OTOGL: variants seen among roughly 807,000 people sequenced by gnomAD.
OTOGL encodes the protein otogelin like.
OTOGL carries 285 observed loss-of-function variants against 318.5 expected under a neutral mutation model. That is an observed-to-expected ratio of 0.89 (90% CI 0.81 to 0.99). OTOGL has a LOEUF of 0.99. Ranked by LOEUF, OTOGL falls within the 50% of genes least tolerant of loss-of-function variation. The pLI is 0.00. For missense variants in OTOGL, 2,899 were observed against 2,845.6 expected (o/e 1.02, Z -0.43); for synonymous variants, 987 against 936.5 (o/e 1.05, Z -0.99).
chr12:80,133,865 G>A (rs114700547), intron 1 of OTOGL, among the ~76,000 whole-genome samples: 5 of 152,178 alleles, frequency 3.3e-5, no homozygotes, highest in Middle Eastern at 3.4e-3. Context: ...AAGATGGGAG[G>A]TAGAGGGTGC....
chr12:80,160,954 T>G (rs1281649046), intron 1 of OTOGL, among the ~76,000 whole-genome samples: 2 of 152,116 alleles, frequency 1.3e-5, no homozygotes, highest in East Asian at 3.9e-4. Context: ...AACTGGAGGC[T>G]ATTATTCTAA....
At chr12:80,338,993 C>A (rs1410436360) in intron 42 of OTOGL, 82 bp from the exon 43 acceptor site, 2 of 1,127,522 alleles carry the variant, frequency 1.8e-6, no homozygotes, top group Non-Finnish European at 2.5e-6. Context: ...TACATTAAAT[C>A]AGAATAAAGG....
At position 80,374,852 on chromosome 12, in the gene OTOGL, C is replaced by T. The variant is rs549889002; in HGVS notation, c.6782-2271C>T. Among the ~76,000 whole-genome samples the T allele has an allele frequency of 2.0e-5, 3 of 152,242 alleles. No homozygotes were observed. The East Asian group carries it at 5.8e-4, about 29-fold the overall frequency. On this transcript the variant is annotated intron_variant, in intron 57 of 58. Coordinates refer to ENST00000547103, the MANE Select transcript of OTOGL (RefSeq NM_001378609.3). ...AATGACCACTATGGCCTGCCACACACTGACACTCTATTAAGCACATTGCTG... is the reference window on the plus strand; with the variant it reads ...AATGACCACTATGGCCTGCCACACATTGACACTCTATTAAGCACATTGCTG...
intron 44 of OTOGL, among the ~76,000 whole-genome samples, chr12:80,351,441 G>T (rs557787741): frequency 6.6e-5 from 10 of 152,060 alleles, no homozygotes; most frequent in Non-Finnish European, 1.5e-4. Context: ...TCAGCCTCTG[G>T]AGTAGCTGGG....
chr12:80,325,085 TAGG>T (rs1419830169), intron 35 of OTOGL, among the ~76,000 whole-genome samples: 2 of 152,004 alleles, frequency 1.3e-5, no homozygotes, highest in African/African-American at 4.8e-5. Context: ...GGATCAATAG[TAGG>T]AGAGAATATT....
chr12:80,354,407 G>C (rs1592747767), intron 46 of OTOGL, among the ~76,000 whole-genome samples: 1 of 152,140 alleles, frequency 6.6e-6, no homozygotes, highest in East Asian at 1.9e-4. Context: ...TCCATTTTCA[G>C]GTATTCTCTT....
chr12:80,343,859 T>A (rs1888996964), intron 44 of OTOGL: 2 of 152,048 alleles, frequency 1.3e-5, no homozygotes. Flanking sequence ...AAACCCTGGG[T>A]AAGGGGGGCT....
chr12:80,163,114 A>G (rs1873626230), intron 1 of OTOGL, among the ~76,000 whole-genome samples: 1 of 152,042 alleles, frequency 6.6e-6, no homozygotes, highest in Non-Finnish European at 1.5e-5. Flanking sequence ...ATTCCAGGAG[A>G]GTTTTTATTT....
At chr12:80,236,452 A>G (rs1296006430) in intron 9 of OTOGL, among the ~76,000 whole-genome samples, 1 of 152,196 alleles carries the variant, frequency 6.6e-6, no homozygotes, top group Non-Finnish European at 1.5e-5. Flanking sequence ...AGGACCCTTG[A>G]TGCAGTATAA....
chr12:80,147,683 G>T (rs900866681), intron 1 of OTOGL, among the ~76,000 whole-genome samples: 3 of 152,030 alleles, frequency 2.0e-5, no homozygotes, highest in Non-Finnish European at 4.4e-5. Flanking sequence ...TTAATGTGTG[G>T]GAGTCTAAGT....
intron 42 of OTOGL, among the ~76,000 whole-genome samples, chr12:80,338,514 C>T (rs1888548773): frequency 6.6e-6 from 1 of 151,958 alleles, no homozygotes; most frequent in African/African-American, 2.4e-5. Context: ...CTTGGATTGC[C>T]TACATTAGTA....
At chr12:80,246,742 C>G (rs1880931264) in intron 11 of OTOGL, among the ~76,000 whole-genome samples, 1 of 17,154 alleles carries the variant, frequency 5.8e-5, no homozygotes, top group Non-Finnish European at 9.9e-5. Context: ...GGAATGGTAC[C>G]AGTTCCTCCT....
intron 6 of OTOGL, 28 bp from the exon 7 acceptor site, chr12:80,222,063 T>A (rs1407888085): frequency 1.3e-6 from 2 of 1,572,078 alleles, no homozygotes; most frequent in East Asian, 2.2e-5. Flanking sequence ...TTATTTTGCC[T>A]ACAAAATATT....
At chr12:80,141,846 G>C (rs1200945002) in intron 1 of OTOGL, among the ~76,000 whole-genome samples, 2 of 152,174 alleles carry the variant, frequency 1.3e-5, no homozygotes, top group East Asian at 1.9e-4. Flanking sequence ...AGTAGAAAGA[G>C]TATTTTTATA....
At chr12:80,340,585 G>C (rs961508843) in intron 43 of OTOGL, among the ~76,000 whole-genome samples, 9 of 152,074 alleles carry the variant, frequency 5.9e-5, no homozygotes, top group Admixed American at 5.2e-4. Context: ...TCTTAACTAA[G>C]CGCTGCAGAG....
intron 1 of OTOGL, among the ~76,000 whole-genome samples, chr12:80,205,376 C>G (rs775938013): frequency 6.6e-6 from 1 of 152,116 alleles, no homozygotes; most frequent in Non-Finnish European, 1.5e-5. Context: ...AAACAAATGT[C>G]GCTATAAAAC....
intron 1 of OTOGL, among the ~76,000 whole-genome samples, chr12:80,136,001 A>G (rs901059886): frequency 3.3e-5 from 5 of 152,208 alleles, no homozygotes; most frequent in Non-Finnish European, 7.3e-5. Context: ...GAGCTCGCCA[A>G]CCTTCATAAT....
chr12:80,162,544 T>A (rs1363884007), intron 1 of OTOGL, among the ~76,000 whole-genome samples: 1 of 152,106 alleles, frequency 6.6e-6, no homozygotes, highest in Non-Finnish European at 1.5e-5. Context: ...AAGCAACGTG[T>A]CAGCAGGGTG....
At chr12:80,157,882 A>T (rs1386229189) in intron 1 of OTOGL, among the ~76,000 whole-genome samples, 1 of 152,186 alleles carries the variant, frequency 6.6e-6, no homozygotes, top group East Asian at 1.9e-4. Context: ...CACTCGTGTG[A>T]CTAATTCCTT....
Sources: allele counts gnomAD v4.1 joint callset (sites outside exome capture counted in the v4.1 genomes callset), GRCh38; gene constraint gnomAD v4.1.1; transcripts MANE v1.5; gene names NCBI Gene and HGNC (gene_info 2026-07-23, HGNC 2026-07-21).